Variants in DNAH5 observed in about 807,000 individuals in gnomAD.
The protein encoded by DNAH5 is axonemal beta dynein heavy chain 5.
DNAH5 carries 372 observed loss-of-function variants against 518.2 expected under a neutral mutation model. The observed-to-expected ratio is 0.72, with a 90% CI of 0.66 to 0.78. DNAH5 has a LOEUF of 0.78. DNAH5 is among the 30% of genes least tolerant of loss of function. DNAH5 has a pLI of 0.00. For synonymous variants in DNAH5, 2,039 were observed against 2,025.9 expected, an observed-to-expected ratio of 1.01 and a Z score of -0.17; for missense variants, 5,523 against 5,687.0, an observed-to-expected ratio of 0.97 and a Z score of 0.93.
chr5:13,714,992 A>G (rs1744101739), intron 74 of DNAH5, among the ~76,000 whole-genome samples: 1 of 152,200 alleles, frequency 6.6e-6, no homozygotes. Flanking sequence ...ACTAATGGTT[A>G]TTATGTTTAG....
chr5:13,984,308 C>T (rs912830541), intron 1 of DNAH5, among the ~76,000 whole-genome samples: 1 of 152,168 alleles, frequency 6.6e-6, no homozygotes, highest in African/African-American at 2.4e-5. Flanking sequence ...TGGGAGTTCA[C>T]TCATAATTTG....
At chr5:13,977,935 C>A (rs1333263471) in intron 1 of DNAH5, among the ~76,000 whole-genome samples, 1 of 152,162 alleles carries the variant, frequency 6.6e-6, no homozygotes, top group East Asian at 1.9e-4. Flanking sequence ...GCGACTCTCT[C>A]GGAAAACATT....
chr5:13,702,190 T>C (rs1237349362), intron 76 of DNAH5, among the ~76,000 whole-genome samples: 2 of 152,236 alleles, frequency 1.3e-5, no homozygotes, highest in African/African-American at 4.8e-5. Context: ...CTTCAAATCA[T>C]AGATTATAAC....
At position 13,753,465 on chromosome 5, in the gene DNAH5, C is replaced by T. The variant is rs779977337; in HGVS notation, c.10640G>A (p.Arg3547Gln). The T allele has an allele frequency of 1.5e-5, 24 of 1,613,792 alleles. No homozygotes were observed. The highest frequency in any genetic ancestry group is 6.7e-5 in the African/African-American group (5 of 74,882). Residue 3547 changes from arginine to glutamine, a missense_variant, in exon 63 of 79, where the codon CGG becomes CAG. Coordinates refer to ENST00000265104, the MANE Select transcript of DNAH5 (RefSeq NM_001369.3). ...EFRDLLLNDW[R>Q]KEMKARKIPF... ...AATTTTCCGGGCTTTCATTTCCTTCCGCCAGTCATTTAACAGAAGATCACG... is the reference window on the plus strand; with the variant it reads ...AATTTTCCGGGCTTTCATTTCCTTCTGCCAGTCATTTAACAGAAGATCACG...
Position 13,735,275 on chromosome 5 carries a change from CGAT to C in DNAH5, c.11614_11616del (p.Ile3872del), listed in dbSNP as rs1441082988. 1 of 1,613,928 alleles carries C rather than the reference CGAT, an allele frequency of 6.2e-7. No individual in the cohort carries two copies. Among genetic ancestry groups the C allele is most frequent in the African/African-American group, 1.3e-5 (1 of 74,910 alleles). ...TTATAAACCTCGTAGGTCATGTGCT[CGAT>C]GATATTAGCAATCCTCTTGCTTGTA... is the stretch of plus-strand genomic sequence containing the variant. On this transcript the variant is annotated inframe_deletion, in exon 68 of 79. Transcript: ENST00000265104.
At chr5:13,815,183 G>T (rs2151801666) in intron 42 of DNAH5, among the ~76,000 whole-genome samples, 1 of 152,298 alleles carries the variant, frequency 6.6e-6, no homozygotes, top group East Asian at 1.9e-4. Context: ...AAGGAGTAGA[G>T]ATGACAAGCA....
chr5:13,914,762 GTTTA>G lies in DNAH5; in HGVS notation c.1198-124_1198-121del, dbSNP rs909202083. 38 of 1,043,660 alleles carry G rather than the reference GTTTA, an allele frequency of 3.6e-5. No homozygotes were observed. In the African/African-American group the frequency reaches 5.2e-4, roughly 14 times the overall value. 64.6% of individuals were successfully genotyped at this position (1,043,660 alleles called of 1,614,324 possible). On this transcript the variant is annotated intron_variant, in intron 9 of 78. Transcript: ENST00000265104. ...TCACAATCTTCTAACTTGAGCTTGG[GTTTA>G]TTTTTTTTCCATCACAGTTATAATC...
At chr5:13,700,034 G>A (rs1741881861) in intron 78 of DNAH5, among the ~76,000 whole-genome samples, 2 of 152,216 alleles carry the variant, frequency 1.3e-5, no homozygotes, top group South Asian at 2.1e-4. Flanking sequence ...AATCACGTGT[G>A]TACTTCACAG....
At chr5:13,952,257 G>A (rs567235253) in intron 1 of DNAH5, among the ~76,000 whole-genome samples, 1 of 152,320 alleles carries the variant, frequency 6.6e-6, no homozygotes, top group African/African-American at 2.4e-5. Flanking sequence ...AAGGAGTCTG[G>A]AACTAAAATG....
At chr5:13,814,293 T>C (rs1351397367) in intron 43 of DNAH5, among the ~76,000 whole-genome samples, 2 of 152,198 alleles carry the variant, frequency 1.3e-5, no homozygotes, top group Non-Finnish European at 2.9e-5. Context: ...ATCCCCAGAT[T>C]GATCAAATTA....
chr5:13,808,943 GA>G, intron 46 of DNAH5, 100 bp downstream of exon 46: 1 of 1,417,550 alleles, frequency 7.1e-7, no homozygotes, highest in African/African-American at 1.4e-5. Context: ...CTGGGCGACA[GA>G]GTGAGACTCC....
Position 13,766,177 on chromosome 5 carries a change from G to T in DNAH5, c.9900C>A (p.Thr3300=). 6.2e-7 allele frequency: 1 copy of T among 1,614,142 alleles called. No homozygotes were observed. The highest frequency in any genetic ancestry group is 8.5e-7 in the Non-Finnish European group (1 of 1,179,996). ...ALEEAEAALQ[T]IRPSDIATVR... ...CAGTGGCGATGTCCGAAGGCCTGAT[G>T]GTCTGGGGGATGAAAGGAACGATCA... Residue 3300 remains threonine (T), a splice_region_variant and synonymous_variant, in exon 59 of 79, where the codon ACC becomes ACA. Transcript: ENST00000265104.
intron 68 of DNAH5, among the ~76,000 whole-genome samples, chr5:13,734,680 T>C (rs947597783): frequency 1.3e-5 from 2 of 152,174 alleles, no homozygotes; most frequent in Admixed American, 1.3e-4. Flanking sequence ...TTCAGGTCTT[T>C]GCCCACCTAC....
intron 1 of DNAH5, among the ~76,000 whole-genome samples, chr5:14,009,813 C>T (rs1034850220): frequency 6.6e-6 from 1 of 152,124 alleles, no homozygotes; most frequent in Non-Finnish European, 1.5e-5. Flanking sequence ...AAAGATGTGC[C>T]TGAGTGAACA....
chr5:13,851,369 T>G (rs2151884945), intron 30 of DNAH5, among the ~76,000 whole-genome samples: 1 of 152,302 alleles, frequency 6.6e-6, no homozygotes, highest in South Asian at 2.1e-4. Context: ...GTGCAGGTGC[T>G]CGGTCACAGC....
intron 1 of DNAH5, among the ~76,000 whole-genome samples, chr5:13,983,832 TG>T (rs1440227210): frequency 6.6e-6 from 1 of 152,204 alleles, no homozygotes; most frequent in African/African-American, 2.4e-5. Context: ...ACTCCAAGCT[TG>T]CCTCTTGGCT....
intron 24 of DNAH5, among the ~76,000 whole-genome samples, chr5:13,868,665 T>C (rs1176708026): frequency 2.6e-5 from 4 of 152,138 alleles, no homozygotes; most frequent in African/African-American, 9.7e-5. Context: ...GGGGAAAACA[T>C]TGTTGATCTG....
Position 13,882,713 on chromosome 5 carries a change from T to C in DNAH5, c.3262+15A>G. On this transcript the variant is annotated intron_variant, in intron 21 of 78. Coordinates refer to ENST00000265104, the MANE Select transcript of DNAH5 (RefSeq NM_001369.3). ...ATTTACAATGCCTCTTTTAAAAGAC[T>C]AAAAGAACATTTACCTTGAAGTTCA... The C allele has an allele frequency of 1.9e-6, 3 of 1,597,276 alleles. No individual in the cohort carries two copies. The highest frequency in any genetic ancestry group is 2.6e-6 in the Non-Finnish European group (3 of 1,165,244).
chr5:14,006,973 C>A (rs796275858), intron 1 of DNAH5, among the ~76,000 whole-genome samples: 5 of 152,126 alleles, frequency 3.3e-5, no homozygotes, highest in African/African-American at 1.2e-4. Flanking sequence ...CTTCTTCTGG[C>A]TGGACAGCTC....
Sources: allele counts gnomAD v4.1 joint callset (sites outside exome capture counted in the v4.1 genomes callset), GRCh38; gene constraint gnomAD v4.1.1; transcripts MANE v1.5; gene names NCBI Gene and HGNC (gene_info 2026-07-23, HGNC 2026-07-21).